TNRC6B: variants seen among roughly 807,000 people sequenced by gnomAD.
TNRC6B encodes trinucleotide repeat containing adaptor 6B.
A neutral mutation model predicts 203.6 loss-of-function variants in TNRC6B; 52 were observed. The ratio of observed to expected loss-of-function variants is 0.26; its 90% CI spans 0.20 to 0.32. The LOEUF is 0.32. TNRC6B is among the 10% of genes least tolerant of loss of function. TNRC6B has a pLI of 1.00. For synonymous variants in TNRC6B, 838 were observed against 845.7 expected (o/e 0.99, Z 0.16); for missense variants, 1,923 against 2,286.2 (o/e 0.84, Z 3.24).
intron 1 of TNRC6B, among the ~76,000 whole-genome samples, chr22:40,243,480 T>A (rs2035220818): frequency 6.6e-6 from 1 of 152,258 alleles, no homozygotes; most frequent in Admixed American, 6.5e-5. Flanking sequence ...TGAATTTCAA[T>A]CTATTTCCCT....
intron 22 of TNRC6B, 180 bp downstream of exon 22, chr22:40,321,409 C>G: frequency 1.4e-6 from 1 of 693,454 alleles, no homozygotes; most frequent in East Asian, 2.7e-5. Context: ...TCCACCAAAG[C>G]TTGGATTGTC....
intron 4 of TNRC6B, among the ~76,000 whole-genome samples, chr22:40,167,064 A>G (rs973622867): frequency 6.6e-6 from 1 of 152,156 alleles, no homozygotes; most frequent in Non-Finnish European, 1.5e-5. Context: ...GGCCCCGCAT[A>G]TTTCAGTCAT....
chr22:40,232,678 AG>A (rs2146452118), intron 1 of TNRC6B, among the ~76,000 whole-genome samples: 1 of 152,338 alleles, frequency 6.6e-6, no homozygotes, highest in East Asian at 1.9e-4. Flanking sequence ...TGTTGGTTAT[AG>A]CTTTTGCCAC....
intron 3 of TNRC6B, among the ~76,000 whole-genome samples, chr22:40,134,810 G>A (rs943749488): frequency 3.7e-4 from 57 of 152,156 alleles, no homozygotes; most frequent in Non-Finnish European, 5.3e-4. Flanking sequence ...CGGATAAATG[G>A]ACTATCTTCC....
chr22:40,308,306 C>T (rs1373582231), intron 15 of TNRC6B, among the ~76,000 whole-genome samples: 6 of 152,216 alleles, frequency 3.9e-5, no homozygotes, highest in Non-Finnish European at 7.3e-5. Context: ...GGCAGTCATA[C>T]ACATCTTCAC....
chr22:40,108,171 GCTTCT>G (rs1380530851), intron 1 of TNRC6B, among the ~76,000 whole-genome samples: 1 of 152,158 alleles, frequency 6.6e-6, no homozygotes, highest in African/African-American at 2.4e-5. Flanking sequence ...GCCATTTACA[GCTTCT>G]CTTCTAGCAG....
chr22:40,285,630 C>T lies in TNRC6B; in HGVS notation c.3583-15C>T. The T allele has an allele frequency of 6.2e-7, 1 of 1,605,312 alleles. No homozygotes were observed. Among genetic ancestry groups the T allele is most frequent in the Non-Finnish European group, 8.5e-7 (1 of 1,177,660 alleles). ...ATGTTAACAAAAAGCCTTACTGCTG[C>T]TTTTCTGTTTACAGGGCGGTAGTCA... On this transcript the variant is annotated splice_polypyrimidine_tract_variant and intron_variant, in intron 11 of 22. Transcript: ENST00000454349.
At chr22:40,315,145 G>A (rs2071240380) in intron 19 of TNRC6B, 138 bp from the exon 20 acceptor site, 1 of 706,410 alleles carries the variant, frequency 1.4e-6, no homozygotes, top group Non-Finnish European at 2.4e-6. Context: ...TTGTATTGCT[G>A]TGCTTAAAAT....
chr22:40,307,784 C>G (rs1200572653), intron 15 of TNRC6B, among the ~76,000 whole-genome samples: 1 of 152,172 alleles, frequency 6.6e-6, no homozygotes, highest in Non-Finnish European at 1.5e-5. Flanking sequence ...TCCACCCACC[C>G]CACACTCAGG....
At chr22:40,200,485 A>G (rs934012861) in intron 1 of TNRC6B, among the ~76,000 whole-genome samples, 2 of 151,100 alleles carry the variant, frequency 1.3e-5, no homozygotes. Context: ...ACGGGGTGTC[A>G]TCATGTTAGC....
At chr22:40,227,514 A>C (rs1056486098) in intron 1 of TNRC6B, among the ~76,000 whole-genome samples, 1 of 150,718 alleles carries the variant, frequency 6.6e-6, no homozygotes, top group Non-Finnish European at 1.5e-5. Context: ...CACACTGACT[A>C]ATTTTTGTAT....
At chr22:40,103,156 T>A (rs2068254448) in intron 1 of TNRC6B, among the ~76,000 whole-genome samples, 3 of 151,864 alleles carry the variant, frequency 2.0e-5, no homozygotes, top group Admixed American at 2.0e-4. Flanking sequence ...TATTCCCAGC[T>A]ACTCGGGAGG....
intron 3 of TNRC6B, among the ~76,000 whole-genome samples, chr22:40,151,726 T>C (rs189945097): frequency 6.6e-6 from 1 of 151,346 alleles, no homozygotes; most frequent in Non-Finnish European, 1.5e-5. Flanking sequence ...TTAAAAGTTT[T>C]AGAAAATAAA....
intron 3 of TNRC6B, among the ~76,000 whole-genome samples, chr22:40,141,977 G>C (rs1260971926): frequency 6.6e-6 from 1 of 151,422 alleles, no homozygotes; most frequent in Non-Finnish European, 1.5e-5. Flanking sequence ...AGCCAGGATG[G>C]TCTTGATCTC....
chr22:40,313,617 G>A (rs1055682935), intron 19 of TNRC6B, among the ~76,000 whole-genome samples: 7 of 152,174 alleles, frequency 4.6e-5, no homozygotes, highest in East Asian at 1.9e-4. Flanking sequence ...TGCACAAGTC[G>A]GACCTTAAGC....
chr22:40,298,334 A>C (rs2070973499), intron 12 of TNRC6B, among the ~76,000 whole-genome samples: 1 of 152,148 alleles, frequency 6.6e-6, no homozygotes, highest in Admixed American at 6.5e-5. Context: ...CTTTTAACAG[A>C]ATGCTTAGGG....
At chr22:40,228,559 G>A (rs952127660) in intron 1 of TNRC6B, among the ~76,000 whole-genome samples, 33 of 148,914 alleles carry the variant, frequency 2.2e-4, no homozygotes, top group Admixed American at 4.7e-4. Flanking sequence ...TTGCTGTGTC[G>A]CCCAGGCTGG....
chr22:40,192,693 G>A (rs2069289448), intron 1 of TNRC6B, among the ~76,000 whole-genome samples: 1 of 152,276 alleles, frequency 6.6e-6, no homozygotes, highest in Admixed American at 6.5e-5. Flanking sequence ...TGAGAAAGAG[G>A]GAGGGATCCT....
At chr22:40,217,745 T>A (rs1030443888) in intron 1 of TNRC6B, among the ~76,000 whole-genome samples, 1 of 151,902 alleles carries the variant, frequency 6.6e-6, no homozygotes, top group Non-Finnish European at 1.5e-5. Context: ...GAGGCCGAGG[T>A]GGGTGGATCA....
Sources: allele counts gnomAD v4.1 joint callset (sites outside exome capture counted in the v4.1 genomes callset), GRCh38; gene constraint gnomAD v4.1.1; transcripts MANE v1.5; gene names NCBI Gene and HGNC (gene_info 2026-07-23, HGNC 2026-07-21).